Variants in FHL2 observed in about 807,000 individuals in gnomAD.
FHL2 encodes four and a half LIM domains 2.
A neutral mutation model predicts 32.7 loss-of-function variants in FHL2; 20 were observed. The ratio of observed to expected loss-of-function variants is 0.61; its 90% confidence interval spans 0.43 to 0.89. FHL2 has a LOEUF of 0.89. Among genes scored for constraint, FHL2 ranks in the 40% least tolerant of loss-of-function variants. FHL2 has a pLI of 0.00. For synonymous variants in FHL2, 123 were observed against 128.1 expected, an observed-to-expected ratio of 0.96 and a Z score of 0.27; for missense variants, 311 against 358.6, an observed-to-expected ratio of 0.87 and a Z score of 1.07.
upstream of FHL2, among the ~76,000 whole-genome samples, chr2:105,400,267 C>T (rs952375520): frequency 3.9e-5 from 6 of 152,186 alleles, no homozygotes; most frequent in Non-Finnish European, 5.9e-5. Context: ...AAGTATATTA[C>T]GGGATCAGAA....
Position 105,419,923 on chromosome 2 carries a change from A to G in FHL2, c.-25+18476T>C, listed in dbSNP as rs534736401. 2.6e-5 allele frequency among the ~76,000 whole-genome samples: 4 copies of G among 152,330 alleles called. No individual in the cohort carries two copies. The South Asian group carries it at 8.3e-4, about 32-fold the overall frequency. ...CCTCCCCTATACTACATAGTCCAGT[A>G]TGACTGAACATGCATTGTCATTAAG... On this transcript the variant is annotated intron_variant, in intron 1 of 5. Transcript: ENST00000393352.
intron 1 of FHL2, among the ~76,000 whole-genome samples, chr2:105,420,935 C>T (rs1459264710): frequency 6.6e-6 from 1 of 152,242 alleles, no homozygotes; most frequent in African/African-American, 2.4e-5. Context: ...AACCAAGTAC[C>T]GGTCTATGGC....
chr2:105,411,473 T>C (rs4851060), intron 1 of FHL2, among the ~76,000 whole-genome samples: 62,385 of 150,838 alleles, frequency 0.41, 13,536 homozygotes, highest in Admixed American at 0.56. Context: ...TGGAATTCTT[T>C]TTTCCTACTC....
chr2:105,399,073 C>G, upstream of FHL2: 2 of 1,489,450 alleles, frequency 1.3e-6, no homozygotes, highest in South Asian at 1.3e-5. Context: ...CAGCTCCCGC[C>G]CTCGAGAAAC....
At chr2:105,412,628 G>T (rs1683827181) in intron 1 of FHL2, among the ~76,000 whole-genome samples, 1 of 152,226 alleles carries the variant, frequency 6.6e-6, no homozygotes, top group Non-Finnish European at 1.5e-5. Flanking sequence ...GTGCAAGAAA[G>T]CACGTGGATG....
intron 1 of FHL2, among the ~76,000 whole-genome samples, chr2:105,425,977 C>G (rs7589419): frequency 0.95 from 144,235 of 152,228 alleles, 68,372 homozygotes; most frequent in East Asian, 1. Flanking sequence ...CTTTGTCTCT[C>G]TGTCTTATTT....
intron 1 of FHL2, chr2:105,397,104 T>G (rs577781795): frequency 6.9e-5 from 11 of 158,714 alleles, no homozygotes; most frequent in African/African-American, 2.8e-4. Context: ...TAACACGCAA[T>G]CTTGGGTCAA....
intron 5 of FHL2, among the ~76,000 whole-genome samples, chr2:105,365,570 G>A (rs761140430): frequency 6.6e-6 from 1 of 151,800 alleles, no homozygotes; most frequent in African/African-American, 2.4e-5. Context: ...CAGGGAAGAG[G>A]GTTCCTAAAA....
intron 1 of FHL2, among the ~76,000 whole-genome samples, chr2:105,425,066 A>T (rs1402993192): frequency 6.6e-6 from 1 of 152,112 alleles, no homozygotes; most frequent in African/African-American, 2.4e-5. Context: ...CACTGTGTCT[A>T]TGTAGAAAGG....
At position 105,422,415 on chromosome 2, in the gene FHL2, A is replaced by C. The variant is rs548039007; in HGVS notation, c.-25+15984T>G. ...CTTCTCAGATAAGACAAAACTACTTAGGAAGCAAAACTGTGATGGGAATAG... is the reference window on the plus strand; with the variant it reads ...CTTCTCAGATAAGACAAAACTACTTCGGAAGCAAAACTGTGATGGGAATAG... On this transcript the variant is annotated intron_variant, in intron 1 of 5. Transcript: ENST00000393352. Among the ~76,000 whole-genome samples the C allele has an allele frequency of 4.6e-5, 7 of 152,342 alleles. 1 individual carries two copies. The South Asian group carries it at 1.0e-3, about 23-fold the overall frequency.
At chr2:105,419,969 T>C (rs943726926) in intron 1 of FHL2, among the ~76,000 whole-genome samples, 28 of 152,100 alleles carry the variant, frequency 1.8e-4, no homozygotes, top group African/African-American at 6.5e-4. Flanking sequence ...CAGTTGAGGG[T>C]GGGAGGGGAT....
At chr2:105,396,511 C>A in intron 2 of FHL2, 136 bp downstream of exon 2, 1 of 727,350 alleles carries the variant, frequency 1.4e-6, no homozygotes. Flanking sequence ...AACACCCTCC[C>A]AGACACACCC....
upstream of FHL2, among the ~76,000 whole-genome samples, chr2:105,400,334 G>C (rs1273631835): frequency 6.6e-6 from 1 of 152,116 alleles, no homozygotes; most frequent in East Asian, 1.9e-4. Context: ...CTTGCCATAA[G>C]CCCAGCCAGA....
chr2:105,399,494 C>T (rs1425014995), upstream of FHL2: 1 of 1,536,042 alleles, frequency 6.5e-7, no homozygotes. Flanking sequence ...GGACGTTTTT[C>T]CTTCTTACCC....
rs114982293 is a variant in FHL2 at position 105,413,096 on chromosome 2, G to A, written c.-25+25303C>T. On this transcript the variant is annotated intron_variant, in intron 1 of 5. Coordinates refer to the FHL2 transcript ENST00000393352. ...GCGTGTGACTGGTGTGACTGCTCAC[G>A]TTTCCTGGTTCCATCCCTTCCACCA... 2.7e-3 allele frequency among the ~76,000 whole-genome samples: 414 copies of A among 152,260 alleles called. 2 individuals carry two copies. Among genetic ancestry groups the A allele is most frequent in the African/African-American group, 9.5e-3 (394 of 41,558 alleles).
In FHL2 at chr2:105,361,429, CA is replaced by C. The variant is rs1303720665; in HGVS notation, c.693del (p.Gly232ValfsTer83). On this transcript the variant is annotated frameshift_variant, in exon 7 of 7. Coordinates refer to ENST00000530340, the MANE Select transcript of FHL2 (RefSeq NM_001318895.3). LOFTEE classifies it high-confidence loss of function. ...TCAAAGGAGATGTATTTTGTGCCAC[CA>C]AGTCCTGTTAACAGAGAGAAAATAA... is the stretch of plus-strand genomic sequence containing the variant. Reference protein sequence around the residue: ...CAGCTNPISGLGGTKYISFEE... With the variant: ...CAGCTNPISGXGGTKYISFEE... 1.9e-6 allele frequency: 3 copies of C among 1,613,390 alleles called. No homozygotes were observed. The highest frequency in any genetic ancestry group is 2.5e-6 in the Non-Finnish European group (3 of 1,179,732).
At position 105,361,189 on chromosome 2, in the gene FHL2, C is replaced by G. The variant is rs1295912741; in HGVS notation, c.*94G>C. The G allele has an allele frequency of 2.3e-6, 3 of 1,329,890 alleles. No homozygotes were observed. The highest frequency in any genetic ancestry group is 3.1e-6 in the Non-Finnish European group (3 of 953,360). The allele number at this position is 1,329,890 out of a possible 1,614,324, so 82.4% of individuals were successfully genotyped here. On this transcript the variant is annotated 3_prime_UTR_variant, in exon 7 of 7. Transcript: ENST00000530340. ...GCACTAGAAGAAAGTCTCAATGTGG[C>G]TGGAAGAAACCAGAAGGCAAGATTG...
intron 1 of FHL2, among the ~76,000 whole-genome samples, chr2:105,430,902 AT>A (rs756337042): frequency 2.0e-5 from 3 of 152,152 alleles, no homozygotes; most frequent in Non-Finnish European, 4.4e-5. Flanking sequence ...GGCCATACCC[AT>A]TATGTCCAAT....
Position 105,370,217 on chromosome 2 carries a change from A to ACCC in FHL2, c.332-2479_332-2478insGGG, listed in dbSNP as rs1558686530. 9.4e-4 allele frequency among the ~76,000 whole-genome samples: 142 copies of ACCC among 151,150 alleles called. 2 individuals are homozygous for ACCC. The highest frequency in any genetic ancestry group is 2.7e-3 in the African/African-American group (112 of 41,222). On this transcript the variant is annotated intron_variant, in intron 4 of 6. Transcript: ENST00000530340. ...GAGAGTCCCTGTCTCTACCCCCCCA[A>ACCC]AAAAAAAATTAGGCGGGTGTGGTGG...
Sources: gnomAD v4.1 joint callset for allele counts (sites outside exome capture counted in the v4.1 genomes callset) on GRCh38, gnomAD v4.1.1 for gene constraint, MANE v1.5 for transcripts, NCBI Gene and HGNC (gene_info 2026-07-23, HGNC 2026-07-21) for gene names.